LEPROTL1: variants seen among roughly 807,000 people sequenced by gnomAD.
The protein encoded by LEPROTL1 is leptin receptor overlapping transcript like 1.
A neutral mutation model predicts 15.4 loss-of-function variants in LEPROTL1; 6 were observed. The ratio of observed to expected loss-of-function variants is 0.39; its 90% CI spans 0.21 to 0.77. LEPROTL1 has a LOEUF of 0.77. Among genes scored for constraint, LEPROTL1 ranks in the 30% least tolerant of loss-of-function variants. The pLI is 0.41. For synonymous variants in LEPROTL1, 56 were observed against 52.6 expected (o/e 1.06, Z -0.28); for missense variants, 128 against 158.1 (o/e 0.81, Z 1.02).
At chr8:30,134,454 A>G (rs945186862) in intron 4 of LEPROTL1, among the ~76,000 whole-genome samples, 1 of 152,100 alleles carries the variant, frequency 6.6e-6, no homozygotes, top group African/African-American at 2.4e-5. Flanking sequence ...AACAAAAAAA[A>G]ACTTTGTCTT....
downstream of LEPROTL1, among the ~76,000 whole-genome samples, chr8:30,110,897 T>C (rs1164212341): frequency 6.6e-6 from 1 of 152,248 alleles, no homozygotes; most frequent in East Asian, 1.9e-4. Flanking sequence ...TATCTTGATA[T>C]ATAGTGTGTC....
At position 30,135,638 on chromosome 8, in the gene LEPROTL1, A is replaced by G. The variant is rs568608422; in HGVS notation, c.395-1634A>G. Among the ~76,000 whole-genome samples, 4 of 152,232 alleles carry G rather than the reference A, an allele frequency of 2.6e-5. No individual in the cohort carries two copies. In the East Asian group the frequency reaches 5.8e-4, roughly 22 times the overall value. On this transcript the variant is annotated intron_variant, in intron 4 of 4. Coordinates refer to the LEPROTL1 transcript ENST00000442880. ...ATGAATGAAAATTAGGCTGGGCACAATGGCTCACACCTGTAATCCCAGCAC... is the reference window on the plus strand; with the variant it reads ...ATGAATGAAAATTAGGCTGGGCACAGTGGCTCACACCTGTAATCCCAGCAC...
intron 3 of LEPROTL1, among the ~76,000 whole-genome samples, chr8:30,120,434 C>T (rs967143773): frequency 6.6e-6 from 1 of 151,972 alleles, no homozygotes; most frequent in Non-Finnish European, 1.5e-5. Flanking sequence ...TGTAAATGGT[C>T]GCTTAATAAG....
At chr8:30,132,459 G>A in exon 4 of LEPROTL1, 1 of 1,551,708 alleles carries the variant, frequency 6.4e-7, no homozygotes, top group Non-Finnish European at 8.7e-7. Flanking sequence ...CGTGGAGGAG[G>A]GAGTCGTCCA....
At chr8:30,096,478 T>C (rs1585458427) in intron 1 of LEPROTL1, 1 of 780,340 alleles carries the variant, frequency 1.3e-6, no homozygotes, top group South Asian at 5.8e-5. Flanking sequence ...GAAAACTTAA[T>C]CGAGTTTTTT....
Position 30,107,163 on chromosome 8 carries a change from T to G in LEPROTL1, c.*1301T>G, listed in dbSNP as rs1802581714. 1 of 985,318 alleles carries G rather than the reference T, an allele frequency of 1.0e-6. No homozygotes were observed. The highest frequency in any genetic ancestry group is 4.7e-5 in the South Asian group (1 of 21,290). 61.0% of individuals were successfully genotyped at this position (985,318 alleles called of 1,614,324 possible). On this transcript the variant is annotated 3_prime_UTR_variant, in exon 4 of 4. Coordinates refer to ENST00000321250, the MANE Select transcript of LEPROTL1 (RefSeq NM_015344.3). ...AGTTCATCATGATAGATCTGCTGTT[T>G]CCTTATAAAAGGCATTTGTTGTGTG...
chr8:30,114,365 A>G (rs1802703295), intron 3 of LEPROTL1, among the ~76,000 whole-genome samples: 1 of 152,048 alleles, frequency 6.6e-6, no homozygotes, highest in South Asian at 2.1e-4. Flanking sequence ...ATCCTGGCTC[A>G]CTGCAGCCTC....
At chr8:30,114,665 G>A (rs1018872927) in intron 3 of LEPROTL1, among the ~76,000 whole-genome samples, 1 of 152,198 alleles carries the variant, frequency 6.6e-6, no homozygotes, top group Non-Finnish European at 1.5e-5. Context: ...GGAAAACTCT[G>A]ATGGGAGTCC....
chr8:30,106,284 A>G lies in LEPROTL1; in HGVS notation c.*422A>G. 1.0e-6 allele frequency: 1 copy of G among 985,958 alleles called. No homozygotes were observed. Among genetic ancestry groups the G allele is most frequent in the Non-Finnish European group, 1.2e-6 (1 of 829,812 alleles). The allele number at this position is 985,958 out of a possible 1,614,324, so 61.1% of individuals were successfully genotyped here. A position where few individuals can be genotyped will look rare whatever the true frequency, so the allele number is the denominator to read the frequency against. On this transcript the variant is annotated 3_prime_UTR_variant, in exon 4 of 4. Coordinates refer to ENST00000321250, the MANE Select transcript of LEPROTL1 (RefSeq NM_015344.3). The stretch of plus-strand genomic sequence containing the variant: ...TTTCTCTTAAAATTATTTAGCCTCC[A>G]TTATTACAAAAAATTATAAAAATAA...
At chr8:30,119,593 A>G (rs902684895) in intron 3 of LEPROTL1, among the ~76,000 whole-genome samples, 2 of 152,218 alleles carry the variant, frequency 1.3e-5, no homozygotes, top group African/African-American at 4.8e-5. Flanking sequence ...GCCCATGCTA[A>G]TGACCTCGTT....
chr8:30,117,375 A>C, intron 3 of LEPROTL1: 1 of 1,186,166 alleles, frequency 8.4e-7, no homozygotes, highest in Non-Finnish European at 1.2e-6. Context: ...TATATGCTGC[A>C]TTACATCCCT....
chr8:30,102,875 T>C (rs1368675207), intron 2 of LEPROTL1, among the ~76,000 whole-genome samples: 1 of 152,132 alleles, frequency 6.6e-6, no homozygotes, highest in East Asian at 1.9e-4. Flanking sequence ...AGGGACTCTT[T>C]TGTGCTGTGG....
At chr8:30,122,756 C>A (rs1301150580) in intron 3 of LEPROTL1, among the ~76,000 whole-genome samples, 1 of 152,190 alleles carries the variant, frequency 6.6e-6, no homozygotes, top group Non-Finnish European at 1.5e-5. Context: ...GATCGCGCCA[C>A]TGCACTGCAG....
chr8:30,119,169 A>G (rs1450763077), intron 3 of LEPROTL1, among the ~76,000 whole-genome samples: 3 of 152,130 alleles, frequency 2.0e-5, no homozygotes, highest in East Asian at 1.9e-4. Flanking sequence ...GCCTGTAAAC[A>G]TTTTTTTAAC....
chr8:30,107,312 CT>C lies in LEPROTL1; in HGVS notation c.*1456del, dbSNP rs1340351414. On this transcript the variant is annotated 3_prime_UTR_variant, in exon 4 of 4. Coordinates refer to ENST00000321250, the MANE Select transcript of LEPROTL1 (RefSeq NM_015344.3). ...CGTTTACATCTAATAATTATCAGGA[CT>C]TTTTTCAGGAGTGGGTTATAAAAAC... The C allele has an allele frequency of 8.1e-6, 8 of 985,572 alleles. No homozygotes were observed. The highest frequency in any genetic ancestry group is 8.4e-6 in the Non-Finnish European group (7 of 829,844). 61.1% of individuals were successfully genotyped at this position (985,572 alleles called of 1,614,324 possible).
rs1803165796 is a variant in LEPROTL1, at chr8:30,137,163, C to T, written c.395-109C>T. 5.9e-6 allele frequency: 5 copies of T among 846,788 alleles called. No homozygotes were observed. The South Asian group carries it at 8.4e-5, about 14-fold the overall frequency. The allele number at this position is 846,788 out of a possible 1,614,324, so 52.5% of individuals were successfully genotyped here. On this transcript the variant is annotated intron_variant, in intron 4 of 4. Transcript: ENST00000442880. ...TGTGATCACCAGAGAGAGCCAGGAACATGAGATCTCCAGATCACAAAGCAA... is the reference window on the plus strand; with the variant it reads ...TGTGATCACCAGAGAGAGCCAGGAATATGAGATCTCCAGATCACAAAGCAA...
intron 1 of LEPROTL1, among the ~76,000 whole-genome samples, chr8:30,096,061 C>G (rs547125739): frequency 6.6e-6 from 1 of 152,314 alleles, no homozygotes; most frequent in Admixed American, 6.5e-5. Flanking sequence ...TTACAGGCTC[C>G]CGAAACGGGT....
At chr8:30,117,726 T>C (rs1459063928) in intron 3 of LEPROTL1, 63 of 1,124,462 alleles carry the variant, frequency 5.6e-5, no homozygotes, top group Non-Finnish European at 8.3e-5. Context: ...TGCCTCTCTT[T>C]TCGGCATTGT....
chr8:30,125,239 C>T (rs369348425), intron 3 of LEPROTL1, among the ~76,000 whole-genome samples: 81 of 152,222 alleles, frequency 5.3e-4, no homozygotes, highest in African/African-American at 1.6e-3. Flanking sequence ...TCCCTGGAAA[C>T]GAGCCAGAAC....
Sources: gnomAD v4.1 joint callset for allele counts (sites outside exome capture counted in the v4.1 genomes callset) on GRCh38, gnomAD v4.1.1 for gene constraint, MANE v1.5 for transcripts, NCBI Gene and HGNC (gene_info 2026-07-23, HGNC 2026-07-21) for gene names.